FRMD3: variants seen among roughly 807,000 people sequenced by gnomAD.
FRMD3 encodes FERM domain-containing protein 3.
A neutral mutation model predicts 70.2 loss-of-function variants in FRMD3; 33 were observed. The ratio of observed to expected loss-of-function variants is 0.47; its 90% CI spans 0.36 to 0.63. The LOEUF is 0.63. FRMD3 is among the 20% of genes least tolerant of loss of function. The pLI is 0.00. For missense variants in FRMD3, 632 were observed against 711.4 expected, an observed-to-expected ratio of 0.89 and a Z score of 1.27; for synonymous variants, 279 against 255.9, an observed-to-expected ratio of 1.09 and a Z score of -0.86.
intron 2 of FRMD3, among the ~76,000 whole-genome samples, chr9:83,374,487 C>T (rs996473733): frequency 2.6e-5 from 4 of 152,114 alleles, no homozygotes; most frequent in Admixed American, 2.6e-4. Context: ...TGAGGACCCT[C>T]GTTATTGCCT....
chr9:83,504,240 G>A (rs544222084), intron 1 of FRMD3, among the ~76,000 whole-genome samples: 1 of 152,236 alleles, frequency 6.6e-6, no homozygotes, highest in South Asian at 2.1e-4. Flanking sequence ...ACATTCAAGT[G>A]GTCTTGGGCT....
At position 83,357,218 on chromosome 9, in the gene FRMD3, TATATATTTTATATATATATAATACATAC is replaced by T. The variant is rs1421032610; in HGVS notation, c.296-7489_296-7462del. 3.5e-3 allele frequency among the ~76,000 whole-genome samples: 84 copies of T among 23,978 alleles called. 14 individuals carry two copies. Among genetic ancestry groups the T allele is most frequent in the South Asian group, 7.9e-3 (5 of 636 alleles). The allele number at this position is 23,978 out of a possible 152,430, so 15.7% of individuals were successfully genotyped here. The stretch of plus-strand genomic sequence containing the variant: ...GTATATATATAACATACATGGAATA[TATATATTTTATATATATATAATACATAC>T]ATATATATATATATATATATATATA... On this transcript the variant is annotated intron_variant, in intron 3 of 13. Coordinates refer to ENST00000304195, the MANE Select transcript of FRMD3 (RefSeq NM_174938.6).
At chr9:83,374,664 AT>A (rs1264470189) in intron 2 of FRMD3, among the ~76,000 whole-genome samples, 2 of 152,212 alleles carry the variant, frequency 1.3e-5, no homozygotes, top group Non-Finnish European at 2.9e-5. Context: ...CATTGCGAGG[AT>A]TTAAAAAGTT....
intron 1 of FRMD3, among the ~76,000 whole-genome samples, chr9:83,458,241 C>T (rs1255908731): frequency 1.3e-5 from 2 of 152,188 alleles, no homozygotes; most frequent in Non-Finnish European, 2.9e-5. Flanking sequence ...CTTCGCTCAC[C>T]TTCATTCTAA....
chr9:83,307,118 AT>A (rs1168313741), intron 10 of FRMD3, among the ~76,000 whole-genome samples: 3 of 152,204 alleles, frequency 2.0e-5, no homozygotes, highest in Non-Finnish European at 2.9e-5. Context: ...TCTTCACTCC[AT>A]TTTTAATTCC....
Position 83,335,618 on chromosome 9 carries a change from GGAT to G in FRMD3, c.491_493del (p.Asp164_Pro165delinsAla), listed in dbSNP as rs1253618752. 1.9e-6 allele frequency: 3 copies of G among 1,612,886 alleles called. No individual in the cohort carries two copies. Reference sequence around the variant, plus strand: ...GATGTAATTCTCAGGATGCTCATCAGGATCGTAATCACCAAGCTCAGCTGTAAT... The same window carrying G: ...GATGTAATTCTCAGGATGCTCATCAGCGTAATCACCAAGCTCAGCTGTAAT... On this transcript the variant is annotated inframe_deletion, in exon 6 of 14. Coordinates refer to ENST00000304195, the MANE Select transcript of FRMD3 (RefSeq NM_174938.6).
At chr9:83,300,476 C>T (rs534505819) in intron 10 of FRMD3, among the ~76,000 whole-genome samples, 1 of 152,166 alleles carries the variant, frequency 6.6e-6, no homozygotes, top group African/African-American at 2.4e-5. Context: ...ATTCTCACTT[C>T]TAAGTGGGAG....
At chr9:83,341,512 T>C (rs1176724824) in intron 5 of FRMD3, among the ~76,000 whole-genome samples, 1 of 152,002 alleles carries the variant, frequency 6.6e-6, no homozygotes, top group African/African-American at 2.4e-5. Flanking sequence ...TTAGTATCGA[T>C]TCCCTTGTCT....
intron 1 of FRMD3, among the ~76,000 whole-genome samples, chr9:83,529,644 T>C (rs1272615457): frequency 1.3e-5 from 2 of 152,204 alleles, no homozygotes; most frequent in African/African-American, 4.8e-5. Flanking sequence ...ACAAAAATTA[T>C]ATATAAATTG....
intron 1 of FRMD3, among the ~76,000 whole-genome samples, chr9:83,425,872 A>AC (rs1826790029): frequency 7.6e-6 from 1 of 132,306 alleles, no homozygotes; most frequent in Admixed American, 9.5e-5. Context: ...ATGCCACTGC[A>AC]CTCCAGCCTG....
chr9:83,467,588 T>G (rs1828162888), intron 1 of FRMD3: 10 of 1,315,472 alleles, frequency 7.6e-6, no homozygotes, highest in Non-Finnish European at 1.1e-5. Flanking sequence ...CGTACCTGAG[T>G]TGATTACATT....
intron 1 of FRMD3, among the ~76,000 whole-genome samples, chr9:83,493,866 C>T (rs1321379597): frequency 6.6e-6 from 1 of 152,226 alleles, no homozygotes. Flanking sequence ...GCCTCCCCAT[C>T]CCCTCCTGGC....
intron 5 of FRMD3, 36 bp downstream of exon 5, chr9:83,343,154 G>A: frequency 1.4e-6 from 2 of 1,416,174 alleles, no homozygotes; most frequent in Non-Finnish European, 2.0e-6. Context: ...GCTCCACAGT[G>A]CAAAGGTGGC....
chr9:83,357,245 A>G lies in FRMD3; in HGVS notation c.296-7488T>C, dbSNP rs1824402613. On this transcript the variant is annotated intron_variant, in intron 3 of 13. Coordinates refer to ENST00000304195, the MANE Select transcript of FRMD3 (RefSeq NM_174938.6). Reference sequence around the variant, plus strand: ...TATATTTTATATATATATAATACATACATATATATATATATATATATATAT... The same window carrying G: ...TATATTTTATATATATATAATACATGCATATATATATATATATATATATAT... Among the ~76,000 whole-genome samples the G allele has an allele frequency of 7.7e-4, 5 of 6,494 alleles. 2 individuals are homozygous for G. The highest frequency in any genetic ancestry group is 2.8e-3 in the African/African-American group (5 of 1,760). The allele number at this position is 6,494 out of a possible 152,430, so 4.3% of individuals were successfully genotyped here.
intron 13 of FRMD3, chr9:83,267,163 C>T (rs1244148028): frequency 1.3e-6 from 2 of 1,550,586 alleles, no homozygotes; most frequent in Admixed American, 3.9e-5. Flanking sequence ...TCCCCTTGGT[C>T]TCCTCGGCCT....
At chr9:83,500,500 GCGCACACACACA>G (rs1303556983) in intron 1 of FRMD3, among the ~76,000 whole-genome samples, 25 of 136,632 alleles carry the variant, frequency 1.8e-4, no homozygotes, top group African/African-American at 5.7e-4. Flanking sequence ...GCGTGTATGC[GCGCACACACACA>G]CACACACACA....
downstream of FRMD3, among the ~76,000 whole-genome samples, chr9:83,244,052 C>G (rs1831967996): frequency 6.6e-6 from 1 of 151,906 alleles, no homozygotes; most frequent in South Asian, 2.1e-4. Context: ...TGCTTGAACC[C>G]AGGAGGAGGA....
Position 83,507,703 on chromosome 9 carries a change from T to C in FRMD3, c.147+30382A>G, listed in dbSNP as rs1341513024. On this transcript the variant is annotated intron_variant, in intron 1 of 13. Coordinates refer to ENST00000304195, the MANE Select transcript of FRMD3 (RefSeq NM_174938.6). ...AAAAATATACATACATATATATATA[T>C]ATATATATATATATATATATATATA... Among the ~76,000 whole-genome samples the C allele has an allele frequency of 1.2e-4, 9 of 73,484 alleles. 1 individual carries two copies. The highest frequency in any genetic ancestry group is 1.4e-4 in the African/African-American group (2 of 14,444). The allele number at this position is 73,484 out of a possible 152,430, so 48.2% of individuals were successfully genotyped here.
chr9:83,305,887 G>A (rs1587704084), intron 10 of FRMD3, among the ~76,000 whole-genome samples: 1 of 152,176 alleles, frequency 6.6e-6, no homozygotes, highest in Non-Finnish European at 1.5e-5. Flanking sequence ...GTCTTCTGAA[G>A]CATCCACAAG....
Sources: allele counts gnomAD v4.1 joint callset (sites outside exome capture counted in the v4.1 genomes callset), GRCh38; gene constraint gnomAD v4.1.1; transcripts MANE v1.5; gene names NCBI Gene and HGNC (gene_info 2026-07-23, HGNC 2026-07-21).